Variants in NRP2 observed in about 807,000 individuals in gnomAD.
The protein encoded by NRP2 is neuropilin-2.
Under a neutral mutation model 110.4 loss-of-function variants are expected in NRP2, and 52 were observed. That is an observed-to-expected ratio of 0.47 (90% CI 0.38 to 0.59). The LOEUF (loss-of-function observed/expected upper bound fraction) is 0.59, where lower values mean the gene tolerates loss of function less well. Ranked by LOEUF, NRP2 falls within the 20% of genes least tolerant of loss-of-function variation. NRP2 has a pLI of 0.00. For synonymous variants in NRP2, 508 were observed against 468.9 expected, an observed-to-expected ratio of 1.08 and a Z score of -1.08; for missense variants, 1,049 against 1,203.0, an observed-to-expected ratio of 0.87 and a Z score of 1.89.
Position 205,743,409 on chromosome 2 carries a change from G to T in NRP2, c.1498G>T (p.Gly500Cys), listed in dbSNP as rs745533260. ...TCTGGGAACACCCAAGACAGTGAAA[G>T]GTGTCATCATCCAGGGAGCCCGCGG... Reference protein sequence around the residue: ...VDLGTPKTVKGVIIQGARGGD... With the variant: ...VDLGTPKTVKCVIIQGARGGD... The change falls in exon 9 of 17, where the codon GGT becomes TGT. Residue 500 changes from glycine (G) to cysteine (C), a missense_variant. By Grantham distance (159) the Gly-to-Cys change is radical. Coordinates refer to ENST00000357785, the MANE Select transcript of NRP2 (RefSeq NM_003872.3). 1.9e-6 allele frequency: 3 copies of T among 1,614,250 alleles called. No homozygotes were observed. The highest frequency in any genetic ancestry group is 2.5e-6 in the Non-Finnish European group (3 of 1,180,052).
chr2:205,765,756 T>C (rs2057907474), intron 14 of NRP2, 186 bp downstream of exon 14: 2 of 736,528 alleles, frequency 2.7e-6, no homozygotes, highest in Non-Finnish European at 5.0e-6. Context: ...GGAAGGGGTG[T>C]GAGGTAAGGG....
At chr2:205,771,939 G>A (rs766019468) in intron 15 of NRP2, among the ~76,000 whole-genome samples, 1 of 152,244 alleles carries the variant, frequency 6.6e-6, no homozygotes, top group Non-Finnish European at 1.5e-5. Context: ...CAGTGGGCTG[G>A]ATTTGGCCAA....
chr2:205,712,524 A>G (rs2056819385), intron 2 of NRP2, among the ~76,000 whole-genome samples: 1 of 152,214 alleles, frequency 6.6e-6, no homozygotes, highest in South Asian at 2.1e-4. Context: ...TTCCAAAGCC[A>G]GAAACTTCCT....
chr2:205,763,558 AT>A lies in NRP2; in HGVS notation c.2045-115del. ...CAGAGCCTGGAGAACAAGGACATGA[AT>A]AAACCAAAGACACCGAAACTCAGTC... is the stretch of plus-strand genomic sequence containing the variant. On this transcript the variant is annotated intron_variant, in intron 12 of 16. Coordinates refer to ENST00000357785, the MANE Select transcript of NRP2 (RefSeq NM_003872.3). The surrounding 1 kb of genome is among the most constrained non-coding windows in gnomAD (Gnocchi z 4.0). 4.4e-6 allele frequency: 6 copies of A among 1,368,774 alleles called. No individual in the cohort carries two copies. Among genetic ancestry groups the A allele is most frequent in the Non-Finnish European group, 6.3e-6 (6 of 959,242 alleles). The allele number at this position is 1,368,774 out of a possible 1,614,324, so 84.8% of individuals were successfully genotyped here.
intron 11 of NRP2, 111 bp from the exon 12 acceptor site, chr2:205,752,724 C>A: frequency 8.5e-7 from 1 of 1,173,178 alleles, no homozygotes. Flanking sequence ...GAAGCCACTT[C>A]TTTCTCTGCT....
chr2:205,728,087 G>T, intron 7 of NRP2, 41 bp downstream of exon 7: 1 of 1,613,206 alleles, frequency 6.2e-7, no homozygotes, highest in African/African-American at 1.3e-5. Flanking sequence ...TTGGACCAGG[G>T]CAGGAGGGAT....
intron 12 of NRP2, among the ~76,000 whole-genome samples, chr2:205,761,214 T>C (rs547219182): frequency 6.6e-6 from 1 of 152,352 alleles, no homozygotes; most frequent in African/African-American, 2.4e-5. Context: ...ATATCATTCT[T>C]TAACCGTGTA....
rs1250951022 is a variant in NRP2, at chr2:205,797,318, G to T, written c.*2260G>T. On this transcript the variant is annotated 3_prime_UTR_variant, in exon 17 of 17. Transcript: ENST00000357785. ...ATGATGCGCAGTGTTCAGAAAGCTGGTAAGTCCTAGGGATTTCCAGAAGTA... is the reference window on the plus strand; with the variant it reads ...ATGATGCGCAGTGTTCAGAAAGCTGTTAAGTCCTAGGGATTTCCAGAAGTA... 6.6e-6 allele frequency: 1 copy of T among 152,354 alleles called. No homozygotes were observed. The highest frequency in any genetic ancestry group is 2.4e-5 in the African/African-American group (1 of 41,448). 9.4% of individuals were successfully genotyped at this position (152,354 alleles called of 1,614,324 possible).
intron 7 of NRP2, among the ~76,000 whole-genome samples, chr2:205,738,944 GGT>G: frequency 6.6e-6 from 1 of 152,246 alleles, no homozygotes; most frequent in Admixed American, 6.5e-5. Context: ...TGTCTTCAGT[GGT>G]GTGTTATTAA....
At chr2:205,770,852 A>T (rs189967301) in intron 15 of NRP2, among the ~76,000 whole-genome samples, 1 of 152,210 alleles carries the variant, frequency 6.6e-6, no homozygotes, top group Non-Finnish European at 1.5e-5. Flanking sequence ...TGAAGCGGGT[A>T]ACTGCTTGGC....
At chr2:205,773,236 T>C (rs1257281023) in intron 15 of NRP2, among the ~76,000 whole-genome samples, 1 of 152,234 alleles carries the variant, frequency 6.6e-6, no homozygotes, top group East Asian at 1.9e-4. Flanking sequence ...TTTTAGCTAG[T>C]GAATGTTCTG....
intron 1 of NRP2, among the ~76,000 whole-genome samples, chr2:205,690,890 A>C (rs1447308669): frequency 1.3e-5 from 2 of 152,196 alleles, no homozygotes; most frequent in East Asian, 3.8e-4. Flanking sequence ...ACCTTGACCT[A>C]CTTGTGACTA....
At chr2:205,683,489 G>A (rs955632043) in intron 1 of NRP2, 126 bp downstream of exon 1, 1 of 735,748 alleles carries the variant, frequency 1.4e-6, no homozygotes, top group Non-Finnish European at 2.4e-6. Context: ...AATTTAAAGA[G>A]AGATCCCAGC....
At chr2:205,744,929 G>T (rs1040750665) in intron 9 of NRP2, among the ~76,000 whole-genome samples, 1 of 152,224 alleles carries the variant, frequency 6.6e-6, no homozygotes, top group Non-Finnish European at 1.5e-5. Flanking sequence ...CATTGTGGGA[G>T]ACAGCCCTAT....
intron 1 of NRP2, among the ~76,000 whole-genome samples, chr2:205,690,646 G>A (rs577522544): frequency 1.4e-3 from 215 of 150,520 alleles, no homozygotes; most frequent in African/African-American, 5.1e-3. Context: ...TGGGTATGGT[G>A]GTGGGCGCCT....
chr2:205,752,314 T>C lies in NRP2; in HGVS notation c.1904-521T>C, dbSNP rs180702291. 2.6e-5 allele frequency among the ~76,000 whole-genome samples: 4 copies of C among 152,322 alleles called. No individual in the cohort carries two copies. The East Asian group carries it at 5.8e-4, about 22-fold the overall frequency. On this transcript the variant is annotated intron_variant, in intron 11 of 16. Transcript: ENST00000357785. ...AGACGGATCACAAAGAGGTGAAGTG[T>C]AGCAAACAAGCCTTCCTTGTTTCTG...
chr2:205,738,855 T>C (rs562728342), intron 7 of NRP2, among the ~76,000 whole-genome samples: 1 of 152,240 alleles, frequency 6.6e-6, no homozygotes, highest in Admixed American at 6.5e-5. Flanking sequence ...TTAAACTGAA[T>C]ATGGTGGACC....
intron 7 of NRP2, among the ~76,000 whole-genome samples, chr2:205,729,352 A>C (rs2057191788): frequency 6.6e-6 from 1 of 152,224 alleles, no homozygotes; most frequent in Non-Finnish European, 1.5e-5. Context: ...CAATTGAAAG[A>C]TGTGCCAGGC....
chr2:205,749,849 CA>C lies in NRP2; in HGVS notation c.1903+11del. 5 of 1,607,102 alleles carry C rather than the reference CA, an allele frequency of 3.1e-6. No homozygotes were observed. Among genetic ancestry groups the C allele is most frequent in the Non-Finnish European group, 3.4e-6 (4 of 1,173,774 alleles). ...ACTGCAGCTTTGAGGATGGTAAGCA[CA>C]AATTGCCTCCAGATGGCATGGGTGC... On this transcript the variant is annotated intron_variant, in intron 11 of 16. Coordinates refer to ENST00000357785, the MANE Select transcript of NRP2 (RefSeq NM_003872.3).
Sources: gnomAD v4.1 joint callset for allele counts (sites outside exome capture counted in the v4.1 genomes callset) on GRCh38, gnomAD v4.1.1 for gene constraint, Gnocchi (gnomAD v3.1) non-coding constraint, MANE v1.5 for transcripts, NCBI Gene and HGNC (gene_info 2026-07-23, HGNC 2026-07-21) for gene names.